Variants in RAB3C observed in about 807,000 individuals in gnomAD.
RAB3C encodes ras-related protein Rab-3C.
Under a neutral mutation model 26.4 loss-of-function variants are expected in RAB3C, and 17 were observed. That is an observed-to-expected ratio of 0.64 (90% confidence interval 0.44 to 0.97). The LOEUF (loss-of-function observed/expected upper bound fraction) is 0.97, where lower values mean the gene tolerates loss of function less well. RAB3C is among the 50% of genes least tolerant of loss of function. RAB3C has a pLI of 0.00. For missense variants in RAB3C, 242 were observed against 281.9 expected (o/e 0.86, Z 1.01); for synonymous variants, 91 against 95.9 (o/e 0.95, Z 0.30).
chr5:58,622,441 A>G (rs952641601), intron 2 of RAB3C, among the ~76,000 whole-genome samples: 4 of 152,174 alleles, frequency 2.6e-5, no homozygotes, highest in Non-Finnish European at 4.4e-5. Context: ...AAATCTAAAA[A>G]TAAAAGACAT....
intron 2 of RAB3C, among the ~76,000 whole-genome samples, chr5:58,626,391 A>G (rs1314261173): frequency 6.6e-6 from 1 of 152,184 alleles, no homozygotes; most frequent in East Asian, 1.9e-4. Flanking sequence ...TCATAAATTT[A>G]CCAACCAAAA....
Position 58,795,045 on chromosome 5 carries a change from C to T in RAB3C, c.372-29993C>T, listed in dbSNP as rs113603767. The stretch of plus-strand genomic sequence containing the variant: ...ACTCCCATGTGTTGTGGGAGACACC[C>T]GGTGGGAGGTATTTGAACCATGGGG... On this transcript the variant is annotated intron_variant, in intron 3 of 4. Coordinates refer to ENST00000282878, the MANE Select transcript of RAB3C (RefSeq NM_138453.4). Among the ~76,000 whole-genome samples the T allele has an allele frequency of 9.2e-4, 140 of 152,284 alleles. 1 individual carries two copies. Among genetic ancestry groups the T allele is most frequent in the African/African-American group, 3.2e-3 (131 of 41,550 alleles).
intron 2 of RAB3C, among the ~76,000 whole-genome samples, chr5:58,690,306 A>G (rs1748543327): frequency 6.6e-6 from 1 of 152,166 alleles, no homozygotes; most frequent in South Asian, 2.1e-4. Context: ...TTAGTGTGTA[A>G]CAAACTATAC....
chr5:58,837,596 T>C (rs1021240253), intron 4 of RAB3C, among the ~76,000 whole-genome samples: 15 of 150,572 alleles, frequency 1.0e-4, no homozygotes, highest in African/African-American at 3.4e-4. Context: ...TCTTACTCTG[T>C]CACCCAGGCT....
At chr5:58,620,380 A>G (rs1746910468) in intron 2 of RAB3C, among the ~76,000 whole-genome samples, 1 of 152,232 alleles carries the variant, frequency 6.6e-6, no homozygotes. Context: ...TATTATATGT[A>G]CTATTGTGGT....
chr5:58,774,598 A>T (rs1200928562), intron 3 of RAB3C, among the ~76,000 whole-genome samples: 1 of 152,156 alleles, frequency 6.6e-6, no homozygotes, highest in Non-Finnish European at 1.5e-5. Flanking sequence ...AAATGAATTT[A>T]AAATAGATGT....
At chr5:58,620,840 T>G (rs1444454081) in intron 2 of RAB3C, among the ~76,000 whole-genome samples, 1 of 152,154 alleles carries the variant, frequency 6.6e-6, no homozygotes, top group East Asian at 1.9e-4. Flanking sequence ...GTGAAATGTT[T>G]TTGAAAGAGT....
chr5:58,836,082 G>A (rs1293482607), intron 4 of RAB3C, among the ~76,000 whole-genome samples: 4 of 152,092 alleles, frequency 2.6e-5, no homozygotes, highest in Admixed American at 1.3e-4. Context: ...CATGCTCTGC[G>A]AAATGTAAAT....
chr5:58,729,505 T>A (rs925695725), intron 3 of RAB3C, among the ~76,000 whole-genome samples: 1 of 151,784 alleles, frequency 6.6e-6, no homozygotes, highest in Non-Finnish European at 1.5e-5. Context: ...CATGCAGTAT[T>A]TGTCTTTTAG....
chr5:58,642,029 A>ACACCTGTG (rs1747422910), intron 2 of RAB3C, among the ~76,000 whole-genome samples: 1 of 152,212 alleles, frequency 6.6e-6, no homozygotes, highest in Non-Finnish European at 1.5e-5. Context: ...AATAGTAGTA[A>ACACCTGTG]CACCTGTGCA....
chr5:58,586,348 C>A (rs1746007882), intron 1 of RAB3C, among the ~76,000 whole-genome samples: 1 of 151,990 alleles, frequency 6.6e-6, no homozygotes, highest in African/African-American at 2.4e-5. Context: ...CACGTTCTTT[C>A]CTCTGTTACT....
intron 3 of RAB3C, among the ~76,000 whole-genome samples, chr5:58,732,290 A>AT (rs1335548176): frequency 3.3e-5 from 5 of 150,436 alleles, no homozygotes; most frequent in African/African-American, 1.2e-4. Flanking sequence ...GGCCAAAAAA[A>AT]TTTTTTTATA....
intron 4 of RAB3C, among the ~76,000 whole-genome samples, chr5:58,829,436 T>G (rs955515671): frequency 1.3e-5 from 2 of 152,016 alleles, no homozygotes; most frequent in Admixed American, 6.6e-5. Flanking sequence ...AAGAAAGAAA[T>G]TTATAGAGGA....
At chr5:58,743,395 T>C (rs1212917129) in intron 3 of RAB3C, among the ~76,000 whole-genome samples, 1 of 152,106 alleles carries the variant, frequency 6.6e-6, no homozygotes, top group Non-Finnish European at 1.5e-5. Flanking sequence ...CATCAGGATT[T>C]TTTTTTTATT....
chr5:58,661,697 A>G (rs553251574), intron 2 of RAB3C, among the ~76,000 whole-genome samples: 10 of 147,730 alleles, frequency 6.8e-5, no homozygotes, highest in Non-Finnish European at 1.2e-4. Context: ...TAAAGGTTAG[A>G]CAAGGCTAGT....
At chr5:58,694,908 T>C (rs1250808136) in intron 2 of RAB3C, among the ~76,000 whole-genome samples, 3 of 152,230 alleles carry the variant, frequency 2.0e-5, no homozygotes, top group African/African-American at 4.8e-5. Flanking sequence ...GTAGTTTCTT[T>C]TGCCGTGCAG....
At chr5:58,762,697 T>C (rs530240836) in intron 3 of RAB3C, among the ~76,000 whole-genome samples, 4 of 152,250 alleles carry the variant, frequency 2.6e-5, no homozygotes, top group African/African-American at 9.6e-5. Context: ...GTCTCAAAAA[T>C]ATAAATAAAT....
intron 1 of RAB3C, among the ~76,000 whole-genome samples, chr5:58,589,061 G>C (rs1468120352): frequency 1.3e-5 from 2 of 151,844 alleles, no homozygotes; most frequent in East Asian, 3.9e-4. Context: ...ATGTTTCTTT[G>C]TTTTGGTATA....
chr5:58,726,363 A>T (rs1579881737), intron 3 of RAB3C, among the ~76,000 whole-genome samples: 1 of 152,054 alleles, frequency 6.6e-6, no homozygotes. Flanking sequence ...GCATTTTGTC[A>T]TCATCGCTTC....
Sources: gnomAD v4.1 joint callset for allele counts (sites outside exome capture counted in the v4.1 genomes callset) on GRCh38, gnomAD v4.1.1 for gene constraint, MANE v1.5 for transcripts, NCBI Gene and HGNC (gene_info 2026-07-23, HGNC 2026-07-21) for gene names.